Variants in FHIT observed in about 807,000 individuals in gnomAD.
The protein encoded by FHIT is fragile histidine triad diadenosine triphosphatase, also known as bis(5'-adenosyl)-triphosphatase.
Under a neutral mutation model 17.9 loss-of-function variants are expected in FHIT, and 19 were observed. The observed-to-expected ratio is 1.06, with a 90% CI of 0.74 to 1.56. FHIT has a LOEUF of 1.56. Among genes scored for constraint, FHIT ranks in the 40% most tolerant of loss-of-function variants. FHIT has a pLI of 0.00. For missense variants in FHIT, 248 were observed against 189.2 expected (o/e 1.31, Z -1.82); for synonymous variants, 81 against 69.7 (o/e 1.16, Z -0.81).
chr3:60,432,449 A>G (rs77390989), intron 5 of FHIT, among the ~76,000 whole-genome samples: 7,002 of 152,184 alleles, frequency 0.046, 221 homozygotes, highest in Middle Eastern at 0.095. Context: ...CGTCATCTAT[A>G]ATATACTGAT....
chr3:60,433,336 GTTGT>G (rs1319656423), intron 5 of FHIT, among the ~76,000 whole-genome samples: 1 of 151,848 alleles, frequency 6.6e-6, no homozygotes, highest in Admixed American at 6.6e-5. Context: ...GGACATTTAG[GTTGT>G]TTATGTATTT....
intron 1 of FHIT, among the ~76,000 whole-genome samples, chr3:61,205,885 T>C (rs957335219): frequency 4.0e-5 from 6 of 150,126 alleles, no homozygotes; most frequent in African/African-American, 1.5e-4. Flanking sequence ...AGACATGAAG[T>C]CCTTGCCCAT....
chr3:60,830,575 G>A (rs902507983), intron 3 of FHIT, among the ~76,000 whole-genome samples: 7 of 152,128 alleles, frequency 4.6e-5, no homozygotes, highest in African/African-American at 1.7e-4. Context: ...AAAATATTAA[G>A]CTACTTTATG....
intron 4 of FHIT, among the ~76,000 whole-genome samples, chr3:60,704,953 A>T (rs1239373177): frequency 6.6e-6 from 1 of 151,766 alleles, no homozygotes; most frequent in Non-Finnish European, 1.5e-5. Flanking sequence ...CATGACTGCC[A>T]CTCTGTCCAA....
At chr3:60,848,339 GATA>G (rs1173016927) in intron 3 of FHIT, among the ~76,000 whole-genome samples, 1 of 152,076 alleles carries the variant, frequency 6.6e-6, no homozygotes, top group African/African-American at 2.4e-5. Flanking sequence ...TACTTTTTAA[GATA>G]ATTTTTTTGC....
chr3:61,169,475 T>A (rs569240548), intron 2 of FHIT, among the ~76,000 whole-genome samples: 33 of 152,320 alleles, frequency 2.2e-4, no homozygotes, highest in Admixed American at 9.2e-4. Flanking sequence ...AATTATATTT[T>A]AATGACCCAA....
intron 3 of FHIT, among the ~76,000 whole-genome samples, chr3:60,920,306 A>G (rs1707213416): frequency 6.6e-6 from 1 of 152,120 alleles, no homozygotes. Context: ...TATGAGAGAA[A>G]AGCTTAAGAT....
chr3:60,688,204 A>G (rs2040903258), intron 4 of FHIT, among the ~76,000 whole-genome samples: 2 of 152,256 alleles, frequency 1.3e-5, no homozygotes, highest in South Asian at 4.2e-4. Flanking sequence ...CCTCTTTTCA[A>G]CATATCAGGT....
intron 5 of FHIT, among the ~76,000 whole-genome samples, chr3:60,025,608 G>A (rs1177965760): frequency 6.6e-6 from 1 of 151,904 alleles, no homozygotes; most frequent in Non-Finnish European, 1.5e-5. Context: ...ATTCAGCAGT[G>A]AACAATTTAA....
At chr3:60,776,980 T>C (rs550461569) in intron 4 of FHIT, among the ~76,000 whole-genome samples, 9 of 152,324 alleles carry the variant, frequency 5.9e-5, no homozygotes. Context: ...TTTCTGTAAA[T>C]TGAGCGTTGA....
At chr3:59,988,927 C>T (rs2107465998) in intron 7 of FHIT, among the ~76,000 whole-genome samples, 1 of 152,214 alleles carries the variant, frequency 6.6e-6, no homozygotes, top group South Asian at 2.1e-4. Flanking sequence ...GATTCTCCCA[C>T]CTATGCTGAC....
chr3:61,135,119 C>G (rs1254557524), intron 2 of FHIT, among the ~76,000 whole-genome samples: 2 of 152,164 alleles, frequency 1.3e-5, no homozygotes, highest in Non-Finnish European at 1.5e-5. Context: ...ACAGGGGCAT[C>G]TGCCACAAAG....
intron 8 of FHIT, among the ~76,000 whole-genome samples, chr3:59,887,930 G>C (rs142647263): frequency 6.6e-6 from 1 of 152,224 alleles, no homozygotes; most frequent in Non-Finnish European, 1.5e-5. Context: ...GAAATGAGAG[G>C]GTTTTATTAG....
intron 5 of FHIT, among the ~76,000 whole-genome samples, chr3:60,240,440 C>A (rs983951769): frequency 2.6e-5 from 4 of 152,118 alleles, no homozygotes; most frequent in African/African-American, 7.2e-5. Context: ...ACCGAGGATG[C>A]AAAGCAGCTA....
chr3:60,565,310 C>T (rs558205104), intron 4 of FHIT, among the ~76,000 whole-genome samples: 2 of 152,138 alleles, frequency 1.3e-5, no homozygotes, highest in South Asian at 2.1e-4. Flanking sequence ...ATGGCTGTAC[C>T]CCTACGAGGC....
chr3:60,111,441 A>G (rs1174570679), intron 5 of FHIT, among the ~76,000 whole-genome samples: 2 of 152,228 alleles, frequency 1.3e-5, no homozygotes, highest in Non-Finnish European at 1.5e-5. Context: ...CCACTGATAT[A>G]TAATAGACTC....
At chr3:61,141,532 T>C (rs9877396) in intron 2 of FHIT, among the ~76,000 whole-genome samples, 38,233 of 145,882 alleles carry the variant, frequency 0.26, 5,812 homozygotes, top group East Asian at 0.45. Flanking sequence ...AAGTCAATAC[T>C]AAACATCCTT....
intron 3 of FHIT, among the ~76,000 whole-genome samples, chr3:60,899,135 A>G (rs1450479908): frequency 6.6e-6 from 1 of 152,226 alleles, no homozygotes; most frequent in East Asian, 1.9e-4. Context: ...AAAGCTTAGG[A>G]AAATAATGCC....
intron 5 of FHIT, among the ~76,000 whole-genome samples, chr3:60,191,225 T>C (rs1344853698): frequency 6.6e-6 from 1 of 152,018 alleles, no homozygotes; most frequent in Non-Finnish European, 1.5e-5. Context: ...CAACCCAAAG[T>C]GATAAAAAAT....
Sources: gnomAD v4.1 joint callset for allele counts (sites outside exome capture counted in the v4.1 genomes callset) on GRCh38, gnomAD v4.1.1 for gene constraint, MANE v1.5 for transcripts, NCBI Gene and HGNC (gene_info 2026-07-23, HGNC 2026-07-21) for gene names.